The following NOTCH1 variants were observed in gnomAD, a reference collection of about 807,000 sequenced individuals.
NOTCH1 encodes the protein neurogenic locus notch homolog protein 1.
A neutral mutation model predicts 254.8 loss-of-function variants in NOTCH1; 37 were observed. The observed-to-expected ratio is 0.15, with a 90% CI of 0.11 to 0.19. The LOEUF is 0.19. Ranked by LOEUF, NOTCH1 falls within the 10% of genes least tolerant of loss-of-function variation. The pLI is 1.00. For missense variants in NOTCH1, 2,972 were observed against 3,708.6 expected, an observed-to-expected ratio of 0.80 and a Z score of 5.16; for synonymous variants, 1,731 against 1,618.1, an observed-to-expected ratio of 1.07 and a Z score of -1.68.
chr9:136,507,890 G>A, intron 21 of NOTCH1, 65 bp downstream of exon 21: 2 of 1,554,672 alleles, frequency 1.3e-6, no homozygotes, highest in Non-Finnish European at 1.8e-6. Context: ...CCAGCTCCCA[G>A]CCAGGGCCTG....
intron 33 of NOTCH1, 80 bp from the exon 34 acceptor site, chr9:136,497,638 A>T: frequency 7.7e-7 from 1 of 1,304,652 alleles, no homozygotes; most frequent in East Asian, 2.5e-5. Context: ...CACCAGAGGA[A>T]GCAGCAGTAC....
At chr9:136,529,778 T>C (rs1843528927) in intron 2 of NOTCH1, among the ~76,000 whole-genome samples, 1 of 152,130 alleles carries the variant, frequency 6.6e-6, no homozygotes, top group African/African-American at 2.4e-5. Flanking sequence ...TCCTTCCCCA[T>C]CTTGGACAGG....
At position 136,496,854 on chromosome 9, in the gene NOTCH1, A is replaced by T. The variant is rs1414411041; in HGVS notation, c.6885T>A (p.Asn2295Lys). ...AACTGGTGGACCCGCCCACAGTGAAATTCAGGGCCCCTCCGCTGCTGGAGC... is the reference window on the plus strand; with the variant it reads ...AACTGGTGGACCCGCCCACAGTGAATTTCAGGGCCCCTCCGCTGCTGGAGC... The part of the protein sequence containing the change: ...VLGSSSGGAL[N>K]FTVGGSTSLN... The change falls in exon 34 of 34, where the codon AAT (asparagine) becomes AAA (lysine). Residue 2295 changes from asparagine to lysine, a missense_variant. Transcript: ENST00000651671. 1 of 1,612,924 alleles carries T rather than the reference A, an allele frequency of 6.2e-7. No individual in the cohort carries two copies. Among genetic ancestry groups the T allele is most frequent in the South Asian group, 1.1e-5 (1 of 91,088 alleles).
chr9:136,524,417 C>T (rs1428164553), intron 2 of NOTCH1, among the ~76,000 whole-genome samples: 8 of 152,232 alleles, frequency 5.3e-5, no homozygotes, highest in African/African-American at 1.7e-4. Context: ...TCTGGGTCTA[C>T]ACCCGCGGAG....
intron 26 of NOTCH1, among the ~76,000 whole-genome samples, chr9:136,503,546 C>T (rs1843033204): frequency 1.3e-5 from 2 of 152,318 alleles, no homozygotes; most frequent in Admixed American, 1.3e-4. Flanking sequence ...ACGGCTCATC[C>T]CAGATACCCA....
chr9:136,538,272 C>T (rs59762720), intron 2 of NOTCH1, among the ~76,000 whole-genome samples: 12,283 of 152,164 alleles, frequency 0.081, 918 homozygotes, highest in African/African-American at 0.2. Flanking sequence ...CCCTCCCACC[C>T]CTGCAGCCAC....
chr9:136,531,288 G>A (rs551165604), intron 2 of NOTCH1, among the ~76,000 whole-genome samples: 79 of 152,338 alleles, frequency 5.2e-4, no homozygotes, highest in African/African-American at 1.6e-3. Flanking sequence ...GTGAGAAAAC[G>A]GGGCAGCTAT....
intron 2 of NOTCH1, among the ~76,000 whole-genome samples, chr9:136,542,067 A>G (rs1244889846): frequency 2.0e-5 from 3 of 152,198 alleles, no homozygotes; most frequent in Non-Finnish European, 4.4e-5. Flanking sequence ...AAGTGGGCCC[A>G]TGACACCAGT....
chr9:136,529,967 G>C (rs980971425), intron 2 of NOTCH1, among the ~76,000 whole-genome samples: 1 of 152,244 alleles, frequency 6.6e-6, no homozygotes, highest in African/African-American at 2.4e-5. Flanking sequence ...TGCAGCCGTT[G>C]GGCTGGAGCT....
chr9:136,523,037 C>G lies in NOTCH1; in HGVS notation c.555G>C (p.Lys185Asn). The G allele has an allele frequency of 6.4e-7, 1 of 1,555,058 alleles. No homozygotes were observed. Among genetic ancestry groups the G allele is most frequent in the Non-Finnish European group, 8.7e-7 (1 of 1,149,890 alleles). ...CRQDVNECGQ[K>N]PGLCRHGGTC... is the part of the protein sequence containing the mutation. ...TGCCTCCGTGGCGGCAAAGCCCGGGCTTCTGGCCACACTCGTTGACATCCT... is the reference window on the plus strand; with the variant it reads ...TGCCTCCGTGGCGGCAAAGCCCGGGGTTCTGGCCACACTCGTTGACATCCT... Residue 185 changes from lysine (K) to asparagine (N), a missense_variant, in exon 4 of 34, where the codon AAG becomes AAC. Transcript: ENST00000651671.
At chr9:136,499,042 C>A (rs760753117) in intron 32 of NOTCH1, 46 bp from the exon 33 acceptor site, 4 of 1,612,612 alleles carry the variant, frequency 2.5e-6, no homozygotes. Flanking sequence ...CAGCTGGAGG[C>A]AACCCAGTCC....
intron 9 of NOTCH1, among the ~76,000 whole-genome samples, chr9:136,516,309 G>T (rs1843271971): frequency 6.6e-6 from 1 of 152,234 alleles, no homozygotes; most frequent in Non-Finnish European, 1.5e-5. Context: ...CCCACAGAAG[G>T]GGCCTTTTTC....
rs578175557 is a variant in NOTCH1 at position 136,510,416 on chromosome 9, G to A, written c.2740+237C>T. Reference sequence around the variant, plus strand: ...GCCATCCTCGGCTCAGTGAAGAGCCGTGGGAGGGGCTCTCGTGACTCTTCC... The same window carrying A: ...GCCATCCTCGGCTCAGTGAAGAGCCATGGGAGGGGCTCTCGTGACTCTTCC... On this transcript the variant is annotated intron_variant, in intron 17 of 33. Coordinates refer to ENST00000651671, the MANE Select transcript of NOTCH1 (RefSeq NM_017617.5). 1.2e-4 allele frequency: 72 copies of A among 610,690 alleles called. 1 individual carries two copies. The highest frequency in any genetic ancestry group is 9.1e-4 in the South Asian group (47 of 51,642). The allele number at this position is 610,690 out of a possible 1,614,324, so 37.8% of individuals were successfully genotyped here. A position where few individuals can be genotyped will look rare whatever the true frequency, so the allele number is the denominator to read the frequency against.
chr9:136,512,907 G>GGC, intron 15 of NOTCH1, 114 bp downstream of exon 15: 5 of 466,764 alleles, frequency 1.1e-5, no homozygotes, highest in South Asian at 1.8e-5. Flanking sequence ...TTCCCAGGCC[G>GGC]CCCCCACCCC....
intron 27 of NOTCH1, chr9:136,502,907 A>T: frequency 1.5e-6 from 1 of 658,952 alleles, no homozygotes; most frequent in South Asian, 1.6e-5. Flanking sequence ...AATAATACCC[A>T]ACAAAGAAAA....
At chr9:136,528,392 TGG>T (rs1327834732) in intron 2 of NOTCH1, among the ~76,000 whole-genome samples, 7 of 16,716 alleles carry the variant, frequency 4.2e-4, no homozygotes, top group African/African-American at 7.9e-4. Flanking sequence ...GCAGGGACAG[TGG>T]GGGGGGATGG....
In NOTCH1 at chr9:136,508,064, T is replaced by C. The variant is rs374230681; in HGVS notation, c.3401A>G (p.Gln1134Arg). 281 of 1,611,264 alleles carry C rather than the reference T, an allele frequency of 1.7e-4. 1 individual carries two copies. The East Asian group carries it at 5.9e-3, about 34-fold the overall frequency. The change falls in exon 21 of 34, where the codon CAG becomes CGG. Residue 1134 changes from glutamine (Q) to arginine (R), a missense_variant. By Grantham distance (43) the Gln-to-Arg change is conservative (BLOSUM62 1). Transcript: ENST00000651671. ...DAGNTHHCRC[Q>R]AGYTGSYCED... is the part of the protein sequence containing the mutation. ...ACAGTAGCTGCCTGTGTAGCCCGCC[T>C]GGCAGCGGCAGTGGTGCGTGTTGCC...
Position 136,494,686 on chromosome 9 carries a change from G to A in NOTCH1, c.*1385C>T, listed in dbSNP as rs1173592082. 5 of 398,606 alleles carry A rather than the reference G, an allele frequency of 1.3e-5. No homozygotes were observed. Among genetic ancestry groups the A allele is most frequent in the Admixed American group, 4.4e-5 (1 of 22,726 alleles). 24.7% of individuals were successfully genotyped at this position (398,606 alleles called of 1,614,324 possible). On this transcript the variant is annotated 3_prime_UTR_variant, in exon 34 of 34. Coordinates refer to ENST00000651671, the MANE Select transcript of NOTCH1 (RefSeq NM_017617.5). ...TGAGGAGTGCAGGCGGCACGGCAGC[G>A]GAGCGTCCCCAGTGCATGGGCGGCT...
rs547372770 is a variant in NOTCH1, at chr9:136,495,041, CG to C, written c.*1029del. 3.1e-3 allele frequency: 1,252 copies of C among 398,998 alleles called. 12 individuals carry two copies. The highest frequency in any genetic ancestry group is 0.022 in the African/African-American group (1,078 of 48,736). 24.7% of individuals were successfully genotyped at this position (398,998 alleles called of 1,614,324 possible). A position where few individuals can be genotyped will look rare whatever the true frequency, so the allele number is the denominator to read the frequency against. On this transcript the variant is annotated 3_prime_UTR_variant, in exon 34 of 34. Transcript: ENST00000651671. ...GTCTCCTACAAAACACGGGAGCCCACGGGGGGTCGGGTCCCGCGAGCTGGGG... is the reference window on the plus strand; with the variant it reads ...GTCTCCTACAAAACACGGGAGCCCACGGGGGTCGGGTCCCGCGAGCTGGGG...
Sources: gnomAD v4.1 joint callset for allele counts (sites outside exome capture counted in the v4.1 genomes callset) on GRCh38, gnomAD v4.1.1 for gene constraint, MANE v1.5 for transcripts, NCBI Gene and HGNC (gene_info 2026-07-23, HGNC 2026-07-21) for gene names.